The following EPS15 variants were observed in gnomAD, a reference collection of about 807,000 sequenced individuals.
EPS15 encodes epidermal growth factor receptor substrate 15.
EPS15 carries 72 observed loss-of-function variants against 113.8 expected under a neutral mutation model. The observed-to-expected ratio is 0.63, with a 90% CI of 0.52 to 0.77. The LOEUF (loss-of-function observed/expected upper bound fraction) is 0.77, where lower values mean the gene tolerates loss of function less well. EPS15 is among the 30% of genes least tolerant of loss of function. The probability of loss-of-function intolerance (pLI) is 0.00; values close to 1 mark genes in which losing one functional copy is unlikely to be tolerated. For synonymous variants in EPS15, 344 were observed against 363.4 expected (o/e 0.95, Z 0.61); for missense variants, 1,048 against 1,045.8 (o/e 1.00, Z -0.03).
intron 8 of EPS15, among the ~76,000 whole-genome samples, chr1:51,456,489 A>C (rs1654007391): frequency 6.6e-6 from 1 of 152,204 alleles, no homozygotes; most frequent in Non-Finnish European, 1.5e-5. Flanking sequence ...ATAAGACCTA[A>C]ACTTGTATTA....
chr1:51,481,436 G>A, intron 1 of EPS15, 122 bp from the exon 2 acceptor site: 4 of 625,600 alleles, frequency 6.4e-6, no homozygotes, highest in Admixed American at 6.2e-5. Flanking sequence ...CTTGATTTCA[G>A]GGGTTAGATT....
At chr1:51,405,319 A>G (rs1250984380) in intron 16 of EPS15, among the ~76,000 whole-genome samples, 2 of 152,208 alleles carry the variant, frequency 1.3e-5, no homozygotes, top group African/African-American at 2.4e-5. Context: ...TACGTAATAA[A>G]AATAATTTTA....
At chr1:51,412,308 T>C (rs1018212099) in intron 13 of EPS15, among the ~76,000 whole-genome samples, 8 of 152,176 alleles carry the variant, frequency 5.3e-5, no homozygotes, top group Admixed American at 3.3e-4. Flanking sequence ...CCAACCACCA[T>C]GGCACATGTA....
chr1:51,391,635 A>G (rs1454349555), intron 21 of EPS15, among the ~76,000 whole-genome samples: 1 of 152,146 alleles, frequency 6.6e-6, no homozygotes, highest in Non-Finnish European at 1.5e-5. Context: ...GTGTGGCTGG[A>G]GCAGAGTGAG....
intron 1 of EPS15, among the ~76,000 whole-genome samples, chr1:51,492,616 T>C (rs943190103): frequency 1.3e-5 from 2 of 152,034 alleles, no homozygotes; most frequent in Non-Finnish European, 2.9e-5. Context: ...CTAGGTGACA[T>C]AGAGACAGAA....
At chr1:51,407,620 T>C (rs1455851252) in intron 15 of EPS15, among the ~76,000 whole-genome samples, 1 of 152,230 alleles carries the variant, frequency 6.6e-6, no homozygotes, top group African/African-American at 2.4e-5. Flanking sequence ...GAAGGAACAA[T>C]TTCCTTAAGA....
chr1:51,428,653 C>A (rs1651427583), intron 12 of EPS15, among the ~76,000 whole-genome samples: 1 of 151,756 alleles, frequency 6.6e-6, no homozygotes, highest in South Asian at 2.1e-4. Context: ...ACAGTGAAAC[C>A]CTGTCTCCAC....
In EPS15 at chr1:51,487,718, T is replaced by TTAC. The variant is rs1644151339; in HGVS notation, c.34-6407_34-6405dup. On this transcript the variant is annotated intron_variant, in intron 1 of 24. Coordinates refer to ENST00000371733, the MANE Select transcript of EPS15 (RefSeq NM_001981.3). ...AATCCTCACATTACAGGTTCATTGG[T>TTAC]TACTACCTAAACACATAGGAGAAGA... Among the ~76,000 whole-genome samples, 3 of 152,194 alleles carry TTAC rather than the reference T, an allele frequency of 2.0e-5. No individual in the cohort carries two copies. In the South Asian group the frequency reaches 6.2e-4, roughly 31 times the overall value.
At chr1:51,491,075 C>T (rs1043711080) in intron 1 of EPS15, among the ~76,000 whole-genome samples, 1 of 152,024 alleles carries the variant, frequency 6.6e-6, no homozygotes, top group Non-Finnish European at 1.5e-5. Flanking sequence ...GAACACTGTG[C>T]GATGGCAAAT....
chr1:51,368,084 A>G (rs1481990400), intron 21 of EPS15, among the ~76,000 whole-genome samples: 1 of 152,212 alleles, frequency 6.6e-6, no homozygotes, highest in Non-Finnish European at 1.5e-5. Flanking sequence ...GTAAGCTGAG[A>G]TTGCGCCACT....
At chr1:51,501,622 G>A (rs1410457339) in intron 1 of EPS15, among the ~76,000 whole-genome samples, 1 of 151,658 alleles carries the variant, frequency 6.6e-6, no homozygotes, top group Non-Finnish European at 1.5e-5. Context: ...GGGATTACAG[G>A]TGTCTGCCAC....
intron 1 of EPS15, among the ~76,000 whole-genome samples, chr1:51,486,575 T>C (rs1410342442): frequency 2.0e-5 from 3 of 152,210 alleles, no homozygotes; most frequent in African/African-American, 4.8e-5. Context: ...AGGGAGATCC[T>C]GTCTCTATAA....
rs183066510 is a variant in EPS15, at chr1:51,405,675, G to A, written c.1677+230C>T. On this transcript the variant is annotated intron_variant, in intron 16 of 24. Coordinates refer to ENST00000371733, the MANE Select transcript of EPS15 (RefSeq NM_001981.3). ...ATCGCACCACTGCACTCCAGCCTGGGCAACAAGAGCAAAACTCCATCTCCA... is the reference window on the plus strand; with the variant it reads ...ATCGCACCACTGCACTCCAGCCTGGACAACAAGAGCAAAACTCCATCTCCA... Among the ~76,000 whole-genome samples, 191 of 150,094 alleles carry A rather than the reference G, an allele frequency of 1.3e-3. 2 individuals are homozygous for A. The East Asian group carries it at 0.03, about 23-fold the overall frequency.
chr1:51,364,344 G>A (rs1448600999), intron 22 of EPS15, among the ~76,000 whole-genome samples: 1 of 151,980 alleles, frequency 6.6e-6, no homozygotes, highest in Non-Finnish European at 1.5e-5. Flanking sequence ...CATTTTAAAG[G>A]GACTGTATGC....
chr1:51,481,866 G>A (rs1644026261), intron 1 of EPS15, among the ~76,000 whole-genome samples: 1 of 152,220 alleles, frequency 6.6e-6, no homozygotes, highest in South Asian at 2.1e-4. Context: ...AGACTCATCT[G>A]AAATTCAATG....
intron 1 of EPS15, among the ~76,000 whole-genome samples, chr1:51,493,580 A>AT (rs1644278841): frequency 6.8e-5 from 10 of 146,668 alleles, no homozygotes; most frequent in Admixed American, 2.7e-4. Context: ...AAATAAATAA[A>AT]AATAAAGCTC....
chr1:51,405,870 G>T (rs1649071351), intron 16 of EPS15, 35 bp downstream of exon 16: 1 of 1,563,464 alleles, frequency 6.4e-7, no homozygotes, highest in African/African-American at 1.4e-5. Flanking sequence ...GCACAAGGAG[G>T]TTGATTATGA....
chr1:51,407,200 TTA>T (rs1042061679), intron 15 of EPS15, among the ~76,000 whole-genome samples: 2 of 152,172 alleles, frequency 1.3e-5, no homozygotes, highest in African/African-American at 4.8e-5. Context: ...CCTTTTTTTT[TTA>T]GTTTTTATTT....
At chr1:51,357,746 T>C (rs1646273580) in intron 24 of EPS15, among the ~76,000 whole-genome samples, 2 of 151,178 alleles carry the variant, frequency 1.3e-5, no homozygotes, top group East Asian at 3.9e-4. Context: ...TAATCTTTTT[T>C]TTTTTTTTTT....
Sources: allele counts gnomAD v4.1 joint callset (sites outside exome capture counted in the v4.1 genomes callset), GRCh38; gene constraint gnomAD v4.1.1; transcripts MANE v1.5; gene names NCBI Gene and HGNC (gene_info 2026-07-23, HGNC 2026-07-21).